GUCY1A2: variants seen among roughly 807,000 people sequenced by gnomAD.
GUCY1A2 encodes the protein guanylate cyclase 1 soluble subunit alpha 2, also known as guanylate cyclase soluble subunit alpha-2.
Under a neutral mutation model 63.5 loss-of-function variants are expected in GUCY1A2, and 27 were observed. The ratio of observed to expected loss-of-function variants is 0.43; its 90% confidence interval spans 0.31 to 0.59. The LOEUF is 0.59. Ranked by LOEUF, GUCY1A2 falls within the 20% of genes least tolerant of loss-of-function variation. The pLI is 0.11. For missense variants in GUCY1A2, 768 were observed against 913.3 expected (o/e 0.84, Z 2.05); for synonymous variants, 364 against 343.5 (o/e 1.06, Z -0.66).
intron 4 of GUCY1A2, among the ~76,000 whole-genome samples, chr11:106,833,875 T>C (rs1365158356): frequency 6.6e-6 from 1 of 152,026 alleles, no homozygotes; most frequent in South Asian, 2.1e-4. Context: ...TATGCAGTAG[T>C]CTCCGAGTGG....
intron 6 of GUCY1A2, among the ~76,000 whole-genome samples, chr11:106,768,851 A>C (rs1864206697): frequency 6.6e-6 from 1 of 152,174 alleles, no homozygotes; most frequent in East Asian, 1.9e-4. Context: ...CAGGGCCAAG[A>C]GAACATAAAC....
At chr11:106,697,499 T>C (rs2135340612) in intron 7 of GUCY1A2, among the ~76,000 whole-genome samples, 1 of 152,292 alleles carries the variant, frequency 6.6e-6, no homozygotes, top group Non-Finnish European at 1.5e-5. Flanking sequence ...GAAGTTAGAC[T>C]TCCAAAAGTC....
intron 4 of GUCY1A2, among the ~76,000 whole-genome samples, chr11:106,852,571 T>C (rs558800941): frequency 6.6e-6 from 1 of 152,276 alleles, no homozygotes; most frequent in Non-Finnish European, 1.5e-5. Context: ...AAATGAACAT[T>C]TGGCTTTTGT....
chr11:106,896,020 AAAT>A (rs1860043803), intron 4 of GUCY1A2, among the ~76,000 whole-genome samples: 1 of 147,094 alleles, frequency 6.8e-6, no homozygotes. Flanking sequence ...AAAAAAAAAA[AAAT>A]ATATATATAT....
intron 6 of GUCY1A2, among the ~76,000 whole-genome samples, chr11:106,765,137 C>T (rs974905422): frequency 5.4e-5 from 8 of 147,428 alleles, no homozygotes; most frequent in Non-Finnish European, 1.0e-4. Context: ...ATATGCCCTT[C>T]TTAGTTGTTG....
At chr11:106,866,033 C>T (rs941220487) in intron 4 of GUCY1A2, among the ~76,000 whole-genome samples, 1 of 151,802 alleles carries the variant, frequency 6.6e-6, no homozygotes, top group Admixed American at 6.6e-5. Flanking sequence ...AAATGCTGAA[C>T]ACATATGTGT....
At chr11:106,706,594 T>TA (rs1862917002) in intron 7 of GUCY1A2, among the ~76,000 whole-genome samples, 1 of 151,558 alleles carries the variant, frequency 6.6e-6, no homozygotes, top group African/African-American at 2.4e-5. Context: ...CAGCTACTGT[T>TA]ATGATGTCTA....
chr11:107,012,171 T>C (rs1414915232), intron 1 of GUCY1A2, among the ~76,000 whole-genome samples: 1 of 152,054 alleles, frequency 6.6e-6, no homozygotes, highest in Non-Finnish European at 1.5e-5. Context: ...CACACATGAG[T>C]CATACCCAGG....
At chr11:107,013,014 C>CT (rs1376095097) in intron 1 of GUCY1A2, among the ~76,000 whole-genome samples, 2 of 151,508 alleles carry the variant, frequency 1.3e-5, no homozygotes, top group Admixed American at 6.6e-5. Context: ...TATTTTATGC[C>CT]TTTTCATTCT....
chr11:106,842,267 C>T (rs1859209430), intron 4 of GUCY1A2, among the ~76,000 whole-genome samples: 1 of 151,894 alleles, frequency 6.6e-6, no homozygotes, highest in Non-Finnish European at 1.5e-5. Flanking sequence ...TTGCTAGTCC[C>T]TAGGGCTTCA....
Position 107,017,759 on chromosome 11 carries a change from C to G in GUCY1A2, c.297G>C (p.Ala99=). The change falls in exon 1 of 8, where the codon GCG becomes GCC. Residue 99 remains alanine, a synonymous_variant. Coordinates refer to ENST00000526355, the MANE Select transcript of GUCY1A2 (RefSeq NM_000855.3). The part of the protein sequence containing the change: ...SLGESISRLT[A]PSPQTIQQTL... ...CCTTCCGCCCCCCGCTCACCGAGGG[C>G]GCCGTCAGGCGGCTGATGCTCTCGC... The G allele has an allele frequency of 7.1e-7, 1 of 1,410,532 alleles. No homozygotes were observed. The highest frequency in any genetic ancestry group is 2.8e-5 in the East Asian group (1 of 35,384). 87.4% of individuals were successfully genotyped at this position (1,410,532 alleles called of 1,614,324 possible). A position where few individuals can be genotyped will look rare whatever the true frequency, so the allele number is the denominator to read the frequency against.
intron 4 of GUCY1A2, among the ~76,000 whole-genome samples, chr11:106,902,995 C>G (rs1591320838): frequency 6.6e-6 from 1 of 152,230 alleles, no homozygotes; most frequent in South Asian, 2.1e-4. Flanking sequence ...GATTATGAAT[C>G]TATGTCTTGC....
chr11:106,929,927 A>C (rs935019248), intron 4 of GUCY1A2, among the ~76,000 whole-genome samples: 2 of 152,208 alleles, frequency 1.3e-5, no homozygotes, highest in Admixed American at 6.5e-5. Flanking sequence ...AAGACACTTA[A>C]AACAGTGCCA....
chr11:107,006,829 A>G (rs1861677653), intron 1 of GUCY1A2, among the ~76,000 whole-genome samples: 2 of 152,222 alleles, frequency 1.3e-5, no homozygotes, highest in Admixed American at 6.5e-5. Flanking sequence ...ATTATGAAGG[A>G]CTGACTAACA....
intron 3 of GUCY1A2, among the ~76,000 whole-genome samples, chr11:106,965,405 A>T (rs185512392): frequency 2.0e-5 from 3 of 152,354 alleles, no homozygotes; most frequent in East Asian, 1.9e-4. Flanking sequence ...GTATACATAC[A>T]TATGTATACA....
At position 106,855,481 on chromosome 11, in the gene GUCY1A2, T is replaced by TC. The variant is rs1336715772; in HGVS notation, c.1207-45004_1207-45003insG. 2.0e-5 allele frequency among the ~76,000 whole-genome samples: 3 copies of TC among 152,060 alleles called. No homozygotes were observed. In the East Asian group the frequency reaches 5.8e-4, roughly 29 times the overall value. The stretch of plus-strand genomic sequence containing the variant: ...TATCCTCTTGCTGTTTTGGTCCTTT[T>TC]TTTTGTGGAGGAGGTGACTGCGGGA... On this transcript the variant is annotated intron_variant, in intron 4 of 7. Transcript: ENST00000526355.
At chr11:106,955,641 T>C (rs1389100545) in intron 3 of GUCY1A2, among the ~76,000 whole-genome samples, 1 of 152,178 alleles carries the variant, frequency 6.6e-6, no homozygotes, top group Non-Finnish European at 1.5e-5. Context: ...CTTTTCTGGC[T>C]TGTAGAGTTT....
At position 106,891,919 on chromosome 11, in the gene GUCY1A2, G is replaced by A. The variant is rs150027396; in HGVS notation, c.1206+47541C>T. ...TCTCATTTAAATTCTAAAGACAGCA[G>A]CGACTACAAAAATGCAGCTGAATTT... On this transcript the variant is annotated intron_variant, in intron 4 of 7. Coordinates refer to ENST00000526355, the MANE Select transcript of GUCY1A2 (RefSeq NM_000855.3). Among the ~76,000 whole-genome samples, 108 of 152,188 alleles carry A rather than the reference G, an allele frequency of 7.1e-4. 1 individual carries two copies. The highest frequency in any genetic ancestry group is 2.5e-3 in the African/African-American group (104 of 41,550).
chr11:106,681,796 G>T lies in GUCY1A2; in HGVS notation c.*5753C>A. 1 of 218,636 alleles carries T rather than the reference G, an allele frequency of 4.6e-6. No individual in the cohort carries two copies. Among genetic ancestry groups the T allele is most frequent in the Middle Eastern group, 1.4e-3 (1 of 704 alleles). 13.5% of individuals were successfully genotyped at this position (218,636 alleles called of 1,614,324 possible). A position where few individuals can be genotyped will look rare whatever the true frequency, so the allele number is the denominator to read the frequency against. ...AAGCTTCATATGGCATCATCACCAT[G>T]GCTTAAATTATTGCTTGAAAGGTTG... On this transcript the variant is annotated 3_prime_UTR_variant, in exon 8 of 8. Coordinates refer to ENST00000526355, the MANE Select transcript of GUCY1A2 (RefSeq NM_000855.3).
Sources: allele counts gnomAD v4.1 joint callset (sites outside exome capture counted in the v4.1 genomes callset), GRCh38; gene constraint gnomAD v4.1.1; transcripts MANE v1.5; gene names NCBI Gene and HGNC (gene_info 2026-07-23, HGNC 2026-07-21).